The following CDH18 variants were observed in gnomAD, a reference collection of about 807,000 sequenced individuals.
CDH18 encodes cadherin 18.
CDH18 carries 31 observed loss-of-function variants against 67.9 expected under a neutral mutation model. That is an observed-to-expected ratio of 0.46 (90% CI 0.34 to 0.62). The LOEUF (loss-of-function observed/expected upper bound fraction) is 0.62. CDH18 is among the 20% of genes least tolerant of loss of function. CDH18 has a pLI of 0.01. For missense variants in CDH18, 890 were observed against 975.5 expected, an observed-to-expected ratio of 0.91 and a Z score of 1.17; for synonymous variants, 362 against 347.2, an observed-to-expected ratio of 1.04 and a Z score of -0.48.
intron 1 of CDH18, among the ~76,000 whole-genome samples, chr5:20,325,546 C>G (rs1445402468): frequency 2.6e-5 from 4 of 152,140 alleles, no homozygotes; most frequent in African/African-American, 9.7e-5. Flanking sequence ...CCTTCCGCCA[C>G]CCATCCCTCA....
chr5:19,574,160 C>G (rs1561380028), intron 7 of CDH18, among the ~76,000 whole-genome samples: 2 of 152,216 alleles, frequency 1.3e-5, no homozygotes, highest in African/African-American at 4.8e-5. Context: ...CAAGATGACA[C>G]ACATCTCTTG....
intron 1 of CDH18, among the ~76,000 whole-genome samples, chr5:20,480,426 T>A (rs540703978): frequency 6.6e-6 from 1 of 152,242 alleles, no homozygotes; most frequent in Admixed American, 6.5e-5. Flanking sequence ...TTTGTTTTTG[T>A]TTTTGTTTTT....
intron 1 of CDH18, among the ~76,000 whole-genome samples, chr5:20,326,661 T>C (rs1738619445): frequency 6.6e-6 from 1 of 151,880 alleles, no homozygotes; most frequent in African/African-American, 2.4e-5. Context: ...GCCTCAGCTT[T>C]CTGAGTAGCT....
At chr5:19,500,281 T>C (rs1427785088) in intron 11 of CDH18, among the ~76,000 whole-genome samples, 2 of 152,188 alleles carry the variant, frequency 1.3e-5, no homozygotes, top group East Asian at 3.9e-4. Context: ...AGGGCTATTT[T>C]ATTTTTAATT....
At chr5:19,891,831 G>T (rs952788836) in intron 2 of CDH18, among the ~76,000 whole-genome samples, 1 of 152,178 alleles carries the variant, frequency 6.6e-6, no homozygotes, top group Middle Eastern at 3.2e-3. Context: ...TTTACTAAGA[G>T]AATGGAATGT....
At chr5:20,432,297 A>G (rs1444751034) in intron 1 of CDH18, among the ~76,000 whole-genome samples, 1 of 152,154 alleles carries the variant, frequency 6.6e-6, no homozygotes, top group Non-Finnish European at 1.5e-5. Context: ...TCTCATTCAG[A>G]GCCTAATGCC....
chr5:19,750,737 A>C (rs1206864652), intron 3 of CDH18, among the ~76,000 whole-genome samples: 1 of 147,686 alleles, frequency 6.8e-6, no homozygotes, highest in Non-Finnish European at 1.5e-5. Context: ...AAGATAAATT[A>C]GATTTTAGTC....
At chr5:19,753,102 T>G (rs1457989097) in intron 3 of CDH18, among the ~76,000 whole-genome samples, 1 of 152,032 alleles carries the variant, frequency 6.6e-6, no homozygotes, top group Non-Finnish European at 1.5e-5. Context: ...CCAACTCTGG[T>G]AATATGACAG....
chr5:19,830,951 T>A (rs1780958531), intron 3 of CDH18, among the ~76,000 whole-genome samples: 1 of 152,036 alleles, frequency 6.6e-6, no homozygotes, highest in Non-Finnish European at 1.5e-5. Flanking sequence ...AACCACATAC[T>A]TCATGTTCTC....
intron 5 of CDH18, among the ~76,000 whole-genome samples, chr5:19,694,873 CAA>C (rs35511726): frequency 7.1e-6 from 1 of 141,236 alleles, no homozygotes. Flanking sequence ...GACTCTGTCT[CAA>C]AAAAAAAAAA....
chr5:20,480,450 C>G (rs190737087), intron 1 of CDH18, among the ~76,000 whole-genome samples: 1 of 152,118 alleles, frequency 6.6e-6, no homozygotes, highest in African/African-American at 2.4e-5. Flanking sequence ...GACAGTCTCA[C>G]TCTGTTGCCC....
chr5:19,917,883 A>AT (rs1470127035), intron 2 of CDH18, among the ~76,000 whole-genome samples: 1 of 152,180 alleles, frequency 6.6e-6, no homozygotes, highest in Non-Finnish European at 1.5e-5. Flanking sequence ...ACAAATTTGA[A>AT]TTATACCTCT....
intron 1 of CDH18, among the ~76,000 whole-genome samples, chr5:20,306,130 C>G (rs1419769547): frequency 6.6e-6 from 1 of 152,080 alleles, no homozygotes; most frequent in Non-Finnish European, 1.5e-5. Flanking sequence ...CAGACAAATG[C>G]TAATTCTGGT....
chr5:20,217,570 A>G (rs1357989870), intron 2 of CDH18, among the ~76,000 whole-genome samples: 1 of 151,946 alleles, frequency 6.6e-6, no homozygotes, highest in African/African-American at 2.4e-5. Context: ...TGAGAAAATC[A>G]TCTACAATAA....
intron 1 of CDH18, among the ~76,000 whole-genome samples, chr5:20,558,144 T>C (rs949995498): frequency 2.0e-5 from 3 of 152,098 alleles, no homozygotes; most frequent in Admixed American, 6.6e-5. Context: ...ACTTGAGCTG[T>C]TCAATACAAA....
chr5:20,254,045 A>T (rs1415713917), intron 2 of CDH18, among the ~76,000 whole-genome samples: 1 of 152,216 alleles, frequency 6.6e-6, no homozygotes, highest in Non-Finnish European at 1.5e-5. Flanking sequence ...CCATGAGGCT[A>T]GTAGTAGACA....
intron 2 of CDH18, among the ~76,000 whole-genome samples, chr5:20,165,844 T>C (rs1033407932): frequency 1.3e-5 from 2 of 152,176 alleles, no homozygotes; most frequent in Non-Finnish European, 2.9e-5. Context: ...GCAATTGAGA[T>C]GAAACTATTT....
intron 2 of CDH18, among the ~76,000 whole-genome samples, chr5:20,131,186 G>T (rs1360997408): frequency 6.6e-6 from 1 of 151,476 alleles, no homozygotes. Flanking sequence ...GCTTAGTTTT[G>T]GGCTGCTTTT....
At chr5:19,812,829 C>T (rs1001714186) in intron 3 of CDH18, among the ~76,000 whole-genome samples, 2 of 152,040 alleles carry the variant, frequency 1.3e-5, no homozygotes, top group Non-Finnish European at 2.9e-5. Flanking sequence ...ACTATAAAGA[C>T]ACAAGTACAT....
Sources: gnomAD v4.1 joint callset for allele counts (sites outside exome capture counted in the v4.1 genomes callset) on GRCh38, gnomAD v4.1.1 for gene constraint, MANE v1.5 for transcripts, NCBI Gene and HGNC (gene_info 2026-07-23, HGNC 2026-07-21) for gene names.